TFEC: variants seen among roughly 807,000 people sequenced by gnomAD.
TFEC encodes transcription factor EC.
Under a neutral mutation model 41.6 loss-of-function variants are expected in TFEC, and 31 were observed. The observed-to-expected ratio is 0.74, with a 90% CI of 0.56 to 1.01. The LOEUF (loss-of-function observed/expected upper bound fraction) is 1.01. Among genes scored for constraint, TFEC ranks in the 50% least tolerant of loss-of-function variants. TFEC has a pLI of 0.00. For synonymous variants in TFEC, 143 were observed against 140.6 expected (o/e 1.02, Z -0.12); for missense variants, 402 against 404.1 (o/e 0.99, Z 0.04).
intron 3 of TFEC, among the ~76,000 whole-genome samples, chr7:116,105,630 T>C (rs1476214472): frequency 6.6e-6 from 1 of 152,134 alleles, no homozygotes; most frequent in South Asian, 2.1e-4. Flanking sequence ...ATGAACCTTG[T>C]TAGCCACAGA....
At chr7:116,129,184 C>G (rs183780565) in intron 1 of TFEC, among the ~76,000 whole-genome samples, 1 of 152,030 alleles carries the variant, frequency 6.6e-6, no homozygotes, top group African/African-American at 2.4e-5. Flanking sequence ...TTTATTTTGT[C>G]GAAGGGTTCT....
intron 1 of TFEC, 124 bp downstream of exon 1, chr7:116,030,509 T>A: frequency 7.1e-6 from 4 of 566,696 alleles, no homozygotes; most frequent in Non-Finnish European, 8.9e-6. Context: ...TACCTAGTTA[T>A]CATAAAAGAT....
At chr7:116,083,961 T>C (rs1439403064) in intron 3 of TFEC, among the ~76,000 whole-genome samples, 1 of 151,954 alleles carries the variant, frequency 6.6e-6, no homozygotes, top group Non-Finnish European at 1.5e-5. Context: ...GGGCAAAGAA[T>C]GAAAGCCACA....
At chr7:116,020,719 A>G (rs1372129540) in intron 1 of TFEC, among the ~76,000 whole-genome samples, 1 of 152,192 alleles carries the variant, frequency 6.6e-6, no homozygotes, top group Admixed American at 6.5e-5. Context: ...TCATTATTTT[A>G]AAGTTGTTAT....
At chr7:116,103,588 A>G (rs1797650837) in intron 3 of TFEC, among the ~76,000 whole-genome samples, 1 of 152,186 alleles carries the variant, frequency 6.6e-6, no homozygotes, top group Admixed American at 6.5e-5. Context: ...TGTAATGTGG[A>G]ATAGAAATTA....
chr7:116,110,971 A>G (rs991790312), intron 2 of TFEC: 15 of 1,114,422 alleles, frequency 1.3e-5, no homozygotes, highest in East Asian at 8.4e-5. Context: ...AAACACATAC[A>G]AAATAATATT....
chr7:115,983,079 C>T (rs1232946408), intron 2 of TFEC, among the ~76,000 whole-genome samples: 2 of 149,720 alleles, frequency 1.3e-5, no homozygotes, highest in African/African-American at 2.5e-5. Context: ...GTGTGTAGAT[C>T]TAACATTTAC....
At chr7:116,084,977 A>G (rs893178525) in intron 3 of TFEC, among the ~76,000 whole-genome samples, 1 of 151,918 alleles carries the variant, frequency 6.6e-6, no homozygotes, top group African/African-American at 2.4e-5. Context: ...GAGATGTCAG[A>G]AGACCAACAT....
intron 1 of TFEC, among the ~76,000 whole-genome samples, chr7:116,113,330 CAG>C (rs1490129200): frequency 2.6e-5 from 4 of 151,900 alleles, no homozygotes; most frequent in African/African-American, 9.6e-5. Flanking sequence ...GGAAGAGACA[CAG>C]AGAACATGGA....
rs924505000 is a variant in TFEC, at chr7:116,112,143, G to A, written c.-68-105C>T. ...TTATTATAAGGCAAAAACATACATT[G>A]GATGTTCAATGTGATAAGTTGCATC... On this transcript the variant is annotated intron_variant, in intron 1 of 8. Coordinates refer to the TFEC transcript ENST00000484212. 8.4e-6 allele frequency: 4 copies of A among 476,946 alleles called. No individual in the cohort carries two copies. In the African/African-American group the frequency reaches 8.4e-5, roughly 10 times the overall value. The allele number at this position is 476,946 out of a possible 1,614,324, so 29.5% of individuals were successfully genotyped here. A position where few individuals can be genotyped will look rare whatever the true frequency, so the allele number is the denominator to read the frequency against.
intron 1 of TFEC, among the ~76,000 whole-genome samples, chr7:116,131,629 T>A (rs535026934): frequency 5.2e-4 from 79 of 152,324 alleles, no homozygotes; most frequent in Non-Finnish European, 1.0e-3. Context: ...ATGGTTTTAA[T>A]TAGCACTGTC....
intron 1 of TFEC, among the ~76,000 whole-genome samples, chr7:116,123,902 A>C (rs1798158723): frequency 6.6e-6 from 1 of 152,158 alleles, no homozygotes; most frequent in Admixed American, 6.6e-5. Flanking sequence ...ATCTGCCACA[A>C]ATCTTAGCAT....
chr7:116,036,627 C>T (rs533209145), intron 3 of TFEC, among the ~76,000 whole-genome samples: 31 of 152,116 alleles, frequency 2.0e-4, no homozygotes, highest in African/African-American at 7.5e-4. Flanking sequence ...TAATAAGCTT[C>T]CATTAAATAC....
At chr7:115,968,373 A>T in intron 3 of TFEC, 1 of 1,355,886 alleles carries the variant, frequency 7.4e-7, no homozygotes, top group Admixed American at 2.9e-5. Context: ...GATTGACAAA[A>T]GCTTGCTCAC....
intron 3 of TFEC, among the ~76,000 whole-genome samples, chr7:116,083,210 T>C (rs1160570340): frequency 6.6e-6 from 1 of 151,878 alleles, no homozygotes; most frequent in East Asian, 1.9e-4. Context: ...AACATGATGA[T>C]GGAAATTAAT....
chr7:116,036,974 T>C (rs1172690175), intron 3 of TFEC, among the ~76,000 whole-genome samples: 1 of 152,060 alleles, frequency 6.6e-6, no homozygotes. Context: ...GTTTAAAATA[T>C]TAGCAAATAA....
upstream of TFEC, among the ~76,000 whole-genome samples, chr7:116,032,885 G>C (rs1171062096): frequency 6.6e-6 from 1 of 151,932 alleles, no homozygotes; most frequent in East Asian, 1.9e-4. Context: ...ATAAAATATA[G>C]TTTTCATTTC....
At chr7:116,122,818 T>G (rs1048446942) in intron 1 of TFEC, among the ~76,000 whole-genome samples, 1 of 152,078 alleles carries the variant, frequency 6.6e-6, no homozygotes, top group African/African-American at 2.4e-5. Context: ...TTCCCCCCAC[T>G]TTCCTCATTG....
chr7:116,026,715 CA>C (rs1010734595), intron 1 of TFEC, among the ~76,000 whole-genome samples: 4 of 152,042 alleles, frequency 2.6e-5, no homozygotes, highest in Non-Finnish European at 4.4e-5. Flanking sequence ...TGGTTGTTTG[CA>C]ACAAAAGCAA....
Sources: gnomAD v4.1 joint callset for allele counts (sites outside exome capture counted in the v4.1 genomes callset) on GRCh38, gnomAD v4.1.1 for gene constraint, MANE v1.5 for transcripts, NCBI Gene and HGNC (gene_info 2026-07-23, HGNC 2026-07-21) for gene names.